The following DENND1A variants were observed in gnomAD, a reference collection of about 807,000 sequenced individuals.
DENND1A encodes the protein DENN domain containing 1A, also known as DENN domain-containing protein 1A.
In DENND1A, 51 loss-of-function variants were observed where a neutral mutation model predicts 113.7. That is an observed-to-expected ratio of 0.45 (90% CI 0.36 to 0.57). The LOEUF is 0.57. Among genes scored for constraint, DENND1A ranks in the 20% least tolerant of loss-of-function variants. The pLI is 0.00. For missense variants in DENND1A, 1,258 were observed against 1,395.9 expected, an observed-to-expected ratio of 0.90 and a Z score of 1.57; for synonymous variants, 565 against 570.8, an observed-to-expected ratio of 0.99 and a Z score of 0.14.
chr9:123,886,784 C>T (rs74750118), intron 1 of DENND1A, among the ~76,000 whole-genome samples: 5,794 of 152,230 alleles, frequency 0.038, 116 homozygotes, highest in Middle Eastern at 0.048. Context: ...TAGGAGAATG[C>T]AGTCATTGTT....
At chr9:123,445,234 G>A (rs1016437636) in intron 18 of DENND1A, among the ~76,000 whole-genome samples, 1 of 152,152 alleles carries the variant, frequency 6.6e-6, no homozygotes, top group African/African-American at 2.4e-5. Flanking sequence ...GGTTCTGGGT[G>A]GCCTTGGGTA....
At chr9:123,386,095 A>G (rs1285168146) in intron 22 of DENND1A, among the ~76,000 whole-genome samples, 1 of 152,210 alleles carries the variant, frequency 6.6e-6, no homozygotes, top group Non-Finnish European at 1.5e-5. Context: ...GGCCTTGGAC[A>G]TGACCTGGTG....
chr9:123,409,285 C>T (rs1196438760), intron 20 of DENND1A, among the ~76,000 whole-genome samples: 2 of 151,916 alleles, frequency 1.3e-5, no homozygotes, highest in East Asian at 3.9e-4. Flanking sequence ...TTTTTCTTGA[C>T]TGAATTTTTT....
At chr9:123,497,418 A>G (rs1316684281) in intron 13 of DENND1A, among the ~76,000 whole-genome samples, 1 of 152,210 alleles carries the variant, frequency 6.6e-6, no homozygotes, top group Non-Finnish European at 1.5e-5. Context: ...CCTGGGCTCA[A>G]GGGATCCTCT....
chr9:123,839,972 T>C (rs1415937825), intron 2 of DENND1A, among the ~76,000 whole-genome samples: 2 of 152,182 alleles, frequency 1.3e-5, no homozygotes, highest in East Asian at 3.8e-4. Flanking sequence ...CCAAATATTA[T>C]AAATGTTCTT....
intron 13 of DENND1A, among the ~76,000 whole-genome samples, chr9:123,470,858 C>T (rs1238216191): frequency 6.6e-6 from 1 of 152,196 alleles, no homozygotes; most frequent in Non-Finnish European, 1.5e-5. Context: ...TATCACTCCT[C>T]CTCCGAACGT....
chr9:123,511,945 T>C (rs1009964480), intron 13 of DENND1A, among the ~76,000 whole-genome samples: 4 of 152,150 alleles, frequency 2.6e-5, no homozygotes, highest in Non-Finnish European at 4.4e-5. Context: ...TCTGCTTACA[T>C]GTGGAAGCCG....
chr9:123,461,655 G>A (rs765040845), intron 13 of DENND1A, among the ~76,000 whole-genome samples: 4 of 152,208 alleles, frequency 2.6e-5, no homozygotes, highest in Non-Finnish European at 5.9e-5. Context: ...GTAGTCTGAG[G>A]CAGAATTTAG....
At chr9:123,833,144 A>G (rs1840524741) in intron 2 of DENND1A, among the ~76,000 whole-genome samples, 1 of 151,148 alleles carries the variant, frequency 6.6e-6, no homozygotes, top group African/African-American at 2.4e-5. Flanking sequence ...AAAAAAAAAA[A>G]AAAAGGAAAC....
At chr9:123,920,915 C>T (rs1344401635) in intron 1 of DENND1A, among the ~76,000 whole-genome samples, 2 of 152,014 alleles carry the variant, frequency 1.3e-5, no homozygotes, top group Non-Finnish European at 2.9e-5. Flanking sequence ...TAATTGTTTG[C>T]ACGCTCATCT....
At chr9:123,392,965 C>T (rs756999593) in intron 21 of DENND1A, among the ~76,000 whole-genome samples, 1 of 152,202 alleles carries the variant, frequency 6.6e-6, no homozygotes, top group Non-Finnish European at 1.5e-5. Flanking sequence ...TCTCCAATCC[C>T]ATCCAGGTTG....
At chr9:123,566,785 C>T (rs566204069) in intron 12 of DENND1A, among the ~76,000 whole-genome samples, 2 of 152,292 alleles carry the variant, frequency 1.3e-5, no homozygotes, top group South Asian at 4.1e-4. Context: ...AACTGAAACA[C>T]ACAGTAGTGA....
At chr9:123,884,054 C>T (rs771324400) in intron 1 of DENND1A, among the ~76,000 whole-genome samples, 12 of 152,026 alleles carry the variant, frequency 7.9e-5, no homozygotes, top group South Asian at 2.1e-4. Context: ...GGGAAGCCAA[C>T]GCAGATAGAA....
intron 13 of DENND1A, among the ~76,000 whole-genome samples, chr9:123,503,144 G>A (rs1024433912): frequency 6.6e-5 from 10 of 152,088 alleles, no homozygotes; most frequent in Admixed American, 2.0e-4. Flanking sequence ...GGTTATCTAC[G>A]GCATGCTATC....
chr9:123,420,189 G>A (rs992212444), intron 19 of DENND1A, among the ~76,000 whole-genome samples: 1 of 152,226 alleles, frequency 6.6e-6, no homozygotes, highest in Non-Finnish European at 1.5e-5. Flanking sequence ...AGGAAGGGAG[G>A]CTGGGAGGGG....
In DENND1A at chr9:123,885,610, T is replaced by C. The variant is rs1042029157; in HGVS notation, c.18-6589A>G. ...GCCTCAGCTCTTAAACACTGAAAAA[T>C]GGCAAATACAAACAGCTAAAACGTT... On this transcript the variant is annotated intron_variant, in intron 1 of 23. Transcript: ENST00000394215. Among the ~76,000 whole-genome samples, 5 of 152,290 alleles carry C rather than the reference T, an allele frequency of 3.3e-5. No homozygotes were observed. The South Asian group carries it at 8.3e-4, about 25-fold the overall frequency.
chr9:123,550,206 G>A (rs936139088), intron 13 of DENND1A, among the ~76,000 whole-genome samples: 1 of 152,230 alleles, frequency 6.6e-6, no homozygotes, highest in Admixed American at 6.5e-5. Context: ...TCTGGAAGCT[G>A]GCCTCTTGGG....
chr9:123,851,757 T>C lies in DENND1A; in HGVS notation c.88+27194A>G, dbSNP rs371828149. On this transcript the variant is annotated intron_variant, in intron 2 of 23. Transcript: ENST00000394215. The stretch of plus-strand genomic sequence containing the variant: ...AACAAAGGAGTTTTTAAGAGGCTCC[T>C]ACGGGGAGAAACACAGCTAGCCTGG... Among the ~76,000 whole-genome samples the C allele has an allele frequency of 2.0e-5, 3 of 152,186 alleles. No individual in the cohort carries two copies. The East Asian group carries it at 5.8e-4, about 29-fold the overall frequency.
chr9:123,392,130 C>A (rs2042886950), intron 21 of DENND1A, among the ~76,000 whole-genome samples: 1 of 152,168 alleles, frequency 6.6e-6, no homozygotes, highest in Non-Finnish European at 1.5e-5. Context: ...TTTTTAAATA[C>A]CATGTCAGAG....
Sources: allele counts gnomAD v4.1 joint callset (sites outside exome capture counted in the v4.1 genomes callset), GRCh38; gene constraint gnomAD v4.1.1; transcripts MANE v1.5; gene names NCBI Gene and HGNC (gene_info 2026-07-23, HGNC 2026-07-21).